The following CRACD variants were observed in gnomAD, a reference collection of about 807,000 sequenced individuals.
The protein encoded by CRACD is capping protein-inhibiting regulator of actin dynamics.
A neutral mutation model predicts 106.8 loss-of-function variants in CRACD; 56 were observed. The observed-to-expected ratio is 0.52, with a 90% CI of 0.42 to 0.66. The LOEUF (loss-of-function observed/expected upper bound fraction) is 0.66, where lower values mean the gene tolerates loss of function less well. Among genes scored for constraint, CRACD ranks in the 30% least tolerant of loss-of-function variants. CRACD has a pLI of 0.00. For synonymous variants in CRACD, 754 were observed against 670.8 expected (o/e 1.12, Z -1.92); for missense variants, 1,730 against 1,623.2 (o/e 1.07, Z -1.13).
chr4:56,121,258 G>T (rs1734472833), intron 1 of CRACD, among the ~76,000 whole-genome samples: 1 of 152,090 alleles, frequency 6.6e-6, no homozygotes, highest in Admixed American at 6.6e-5. Context: ...AATAAAATTT[G>T]CACTTCTCAA....
At chr4:56,297,000 A>T (rs985638762) in intron 3 of CRACD, among the ~76,000 whole-genome samples, 1 of 151,032 alleles carries the variant, frequency 6.6e-6, no homozygotes, top group Admixed American at 6.6e-5. Context: ...GCTCACTGCA[A>T]TCCCCGCCTC....
At chr4:56,313,978 A>T in intron 7 of CRACD, 62 bp from the exon 8 acceptor site, 1 of 1,549,240 alleles carries the variant, frequency 6.5e-7, no homozygotes, top group Non-Finnish European at 8.7e-7. Flanking sequence ...TGTGAATAGG[A>T]AAAGGAACGA....
chr4:56,257,186 A>G (rs938839846), intron 2 of CRACD, among the ~76,000 whole-genome samples: 9 of 150,700 alleles, frequency 6.0e-5, no homozygotes, highest in African/African-American at 2.2e-4. Flanking sequence ...GGTTAAAGCA[A>G]TTCTCATGTT....
chr4:56,251,420 T>C (rs1281431219), intron 2 of CRACD, among the ~76,000 whole-genome samples: 3 of 152,244 alleles, frequency 2.0e-5, no homozygotes, highest in Non-Finnish European at 2.9e-5. Context: ...CAGAGACGTG[T>C]CTGGTGTGTG....
At chr4:56,095,633 G>A (rs1733575845) in intron 1 of CRACD, among the ~76,000 whole-genome samples, 1 of 152,176 alleles carries the variant, frequency 6.6e-6, no homozygotes, top group Non-Finnish European at 1.5e-5. Context: ...CCAGGGCAGA[G>A]TAAGTTGGGG....
chr4:56,067,983 A>C (rs1339985637), intron 1 of CRACD, among the ~76,000 whole-genome samples: 1 of 152,190 alleles, frequency 6.6e-6, no homozygotes, highest in Non-Finnish European at 1.5e-5. Flanking sequence ...TAGATCCTGG[A>C]GATGTCCTTG....
chr4:56,316,226 A>G lies in CRACD; in HGVS notation c.2724A>G (p.Gln908=), dbSNP rs1577908113. ...VALKHGPSLP[Q]ERKQAPSTRR... ...TCAAGCATGGTCCATCCCTCCCCCAAGAGCGGAAGCAAGCCCCTTCCACCC... is the reference window on the plus strand; with the variant it reads ...TCAAGCATGGTCCATCCCTCCCCCAGGAGCGGAAGCAAGCCCCTTCCACCC... Residue 908 remains glutamine, a synonymous_variant, in exon 8 of 11, where the codon CAA becomes CAG. Transcript: ENST00000682029. The G allele has an allele frequency of 1.2e-6, 2 of 1,614,036 alleles. No individual in the cohort carries two copies. The highest frequency in any genetic ancestry group is 2.2e-5 in the East Asian group (1 of 44,870).
chr4:56,307,241 A>C (rs553526738), intron 4 of CRACD, among the ~76,000 whole-genome samples: 1 of 152,294 alleles, frequency 6.6e-6, no homozygotes, highest in Admixed American at 6.5e-5. Flanking sequence ...TTTGGTTCAG[A>C]AAATGTGGCC....
chr4:56,157,938 A>G (rs1735817807), intron 1 of CRACD, among the ~76,000 whole-genome samples: 1 of 152,168 alleles, frequency 6.6e-6, no homozygotes, highest in Non-Finnish European at 1.5e-5. Context: ...CTTTCATTTT[A>G]GTAGTCTTGA....
At chr4:56,246,289 A>G (rs554925642) in intron 2 of CRACD, among the ~76,000 whole-genome samples, 1 of 152,144 alleles carries the variant, frequency 6.6e-6, no homozygotes, top group African/African-American at 2.4e-5. Context: ...GATATCTCCT[A>G]GTGAAAAGAT....
At chr4:56,212,637 G>C (rs969040355) in intron 2 of CRACD, among the ~76,000 whole-genome samples, 1 of 152,008 alleles carries the variant, frequency 6.6e-6, no homozygotes, top group Non-Finnish European at 1.5e-5. Context: ...TTTTTACCTT[G>C]AATCTTGGCT....
At chr4:56,326,720 A>G (rs1462925930) in intron 10 of CRACD, among the ~76,000 whole-genome samples, 1 of 148,732 alleles carries the variant, frequency 6.7e-6, no homozygotes, top group East Asian at 2.0e-4. Flanking sequence ...CACCCAGTGG[A>G]TGCTTTTGTG....
Position 56,082,263 on chromosome 4 carries a change from C to T in CRACD, c.-336+32964C>T, listed in dbSNP as rs17086267. On this transcript the variant is annotated intron_variant, in intron 1 of 10. Coordinates refer to ENST00000682029, the MANE Select transcript of CRACD (RefSeq NM_001393381.1). ...ACAGAGGGGTGGACCATGCCCAGGG[C>T]CAAAAGCAGGAAGGAGCTTGACATG... 2.3e-3 allele frequency among the ~76,000 whole-genome samples: 347 copies of T among 151,980 alleles called. 17 individuals carry two copies. The East Asian group carries it at 0.059, about 26-fold the overall frequency.
intron 5 of CRACD, chr4:56,308,891 G>A (rs1315274354): frequency 1.8e-5 from 23 of 1,288,824 alleles, no homozygotes; most frequent in Non-Finnish European, 2.2e-5. Flanking sequence ...TAAGTGCTGG[G>A]CACTGTGGCC....
At chr4:56,115,318 A>G (rs1398592198) in intron 1 of CRACD, among the ~76,000 whole-genome samples, 2 of 152,142 alleles carry the variant, frequency 1.3e-5, no homozygotes, top group Non-Finnish European at 2.9e-5. Context: ...AAATGACTGC[A>G]TTTTCTAAAT....
intron 2 of CRACD, among the ~76,000 whole-genome samples, chr4:56,213,094 C>CT (rs1738491721): frequency 6.6e-6 from 1 of 152,132 alleles, no homozygotes; most frequent in Non-Finnish European, 1.5e-5. Flanking sequence ...TCTGTAAGCT[C>CT]CACTTTGGAT....
intron 1 of CRACD, among the ~76,000 whole-genome samples, chr4:56,062,046 T>C (rs774926336): frequency 1.1e-4 from 16 of 152,242 alleles, no homozygotes; most frequent in Non-Finnish European, 1.9e-4. Context: ...CATGAAAATA[T>C]GCCACTTGTG....
intron 1 of CRACD, among the ~76,000 whole-genome samples, chr4:56,127,780 T>C (rs1201277406): frequency 6.6e-6 from 1 of 152,108 alleles, no homozygotes; most frequent in Non-Finnish European, 1.5e-5. Flanking sequence ...TTCTTTAGGA[T>C]TGATGTGTGG....
intron 1 of CRACD, among the ~76,000 whole-genome samples, chr4:56,171,319 A>T (rs2109916864): frequency 6.6e-6 from 1 of 152,302 alleles, no homozygotes; most frequent in South Asian, 2.1e-4. Context: ...ACAGATACTT[A>T]CTGTGAATAG....
Sources: gnomAD v4.1 joint callset for allele counts (sites outside exome capture counted in the v4.1 genomes callset) on GRCh38, gnomAD v4.1.1 for gene constraint, MANE v1.5 for transcripts, NCBI Gene and HGNC (gene_info 2026-07-23, HGNC 2026-07-21) for gene names.